SLC16A10: variants seen among roughly 807,000 people sequenced by gnomAD.
The protein encoded by SLC16A10 is solute carrier family 16 member 10, also known as monocarboxylate transporter 10.
In SLC16A10, 27 loss-of-function variants were observed where a neutral mutation model predicts 40.0. The ratio of observed to expected loss-of-function variants is 0.67; its 90% CI spans 0.50 to 0.93. The LOEUF (loss-of-function observed/expected upper bound fraction) is 0.93, where lower values mean the gene tolerates loss of function less well. Ranked by LOEUF, SLC16A10 falls within the 40% of genes least tolerant of loss-of-function variation. The pLI is 0.00. For missense variants in SLC16A10, 529 were observed against 658.2 expected, an observed-to-expected ratio of 0.80 and a Z score of 2.15; for synonymous variants, 213 against 249.8, an observed-to-expected ratio of 0.85 and a Z score of 1.39.
chr6:111,126,670 CTATAAGCCTG>C (rs1771681247), intron 1 of SLC16A10, among the ~76,000 whole-genome samples: 1 of 152,070 alleles, frequency 6.6e-6, no homozygotes, highest in Non-Finnish European at 1.5e-5. Flanking sequence ...TTTTTCCTTA[CTATAAGCCTG>C]TCAAGTCTAG....
intron 1 of SLC16A10, among the ~76,000 whole-genome samples, chr6:111,120,470 C>T (rs1416624832): frequency 3.9e-5 from 6 of 152,168 alleles, no homozygotes; most frequent in African/African-American, 1.4e-4. Context: ...TTAATGTGTG[C>T]ATCCCTCCAT....
intron 1 of SLC16A10, among the ~76,000 whole-genome samples, chr6:111,132,952 CA>C (rs1185126173): frequency 6.6e-6 from 1 of 152,128 alleles, no homozygotes; most frequent in African/African-American, 2.4e-5. Context: ...TTTACAGAAT[CA>C]AAAAAACTCA....
At chr6:111,088,344 C>G (rs958559282) in intron 1 of SLC16A10, among the ~76,000 whole-genome samples, 1 of 152,218 alleles carries the variant, frequency 6.6e-6, no homozygotes, top group Non-Finnish European at 1.5e-5. Context: ...ACTTACTTGC[C>G]GAGATCGTCC....
chr6:111,117,117 G>A (rs1291544150), intron 1 of SLC16A10, among the ~76,000 whole-genome samples: 1 of 152,042 alleles, frequency 6.6e-6, no homozygotes, highest in African/African-American at 2.4e-5. Flanking sequence ...TTGGGAGGCC[G>A]AGGTGGGTGG....
rs141239638 is a variant in SLC16A10 at position 111,225,841 on chromosome 6, C to T, written c.*3606C>T. On this transcript the variant is annotated 3_prime_UTR_variant, in exon 6 of 6. Transcript: ENST00000368851. ...TGTACCTTTTGTCTTACTCTTCTTA[C>T]ATTATTCTTATCCTCATCATTTTTT... 4.6e-5 allele frequency: 7 copies of T among 152,244 alleles called. No homozygotes were observed. Among genetic ancestry groups the T allele is most frequent in the African/African-American group, 1.7e-4 (7 of 41,540 alleles). The allele number at this position is 152,244 out of a possible 1,614,324, so 9.4% of individuals were successfully genotyped here.
chr6:111,203,945 GT>G lies in SLC16A10; in HGVS notation c.943-2644del, dbSNP rs1257116306. Reference sequence around the variant, plus strand: ...GCCATTTGACAGACAGGTGTTCTTAGTTTCATAAAAAAAAAGATGCCTGGTA... The same window carrying G: ...GCCATTTGACAGACAGGTGTTCTTAGTTCATAAAAAAAAAGATGCCTGGTA... On this transcript the variant is annotated intron_variant, in intron 3 of 5. Coordinates refer to ENST00000368851, the MANE Select transcript of SLC16A10 (RefSeq NM_018593.5). 2.0e-5 allele frequency among the ~76,000 whole-genome samples: 3 copies of G among 151,638 alleles called. No individual in the cohort carries two copies. The East Asian group carries it at 5.8e-4, about 29-fold the overall frequency.
At chr6:111,109,454 AT>A (rs149807124) in intron 1 of SLC16A10, among the ~76,000 whole-genome samples, 2,802 of 115,674 alleles carry the variant, frequency 0.024, 33 homozygotes, top group African/African-American at 0.051. Context: ...CCTATGCCAC[AT>A]TTTTTTTTTT....
intron 1 of SLC16A10, among the ~76,000 whole-genome samples, chr6:111,167,846 AT>A (rs202008455): frequency 6.6e-6 from 1 of 150,436 alleles, no homozygotes; most frequent in African/African-American, 2.4e-5. Flanking sequence ...TTTTTAAAGT[AT>A]TTTTTTTTGT....
chr6:111,220,917 A>G (rs979534591), intron 5 of SLC16A10, among the ~76,000 whole-genome samples: 2 of 152,268 alleles, frequency 1.3e-5, no homozygotes, highest in Non-Finnish European at 2.9e-5. Context: ...ACAGCAGAAC[A>G]TAATCATGAG....
chr6:111,114,060 C>T (rs936282850), intron 1 of SLC16A10, among the ~76,000 whole-genome samples: 2 of 152,182 alleles, frequency 1.3e-5, no homozygotes, highest in African/African-American at 4.8e-5. Context: ...ATCAAACAAG[C>T]AGGGAATTTT....
intron 1 of SLC16A10, among the ~76,000 whole-genome samples, chr6:111,110,676 G>C (rs973391190): frequency 1.3e-5 from 2 of 152,146 alleles, no homozygotes; most frequent in African/African-American, 4.8e-5. Context: ...TAGTGATAAG[G>C]AAAAGGTTTG....
At chr6:111,090,667 C>G (rs1308735775) in intron 1 of SLC16A10, among the ~76,000 whole-genome samples, 1 of 152,184 alleles carries the variant, frequency 6.6e-6, no homozygotes, top group African/African-American at 2.4e-5. Flanking sequence ...CATGAAGTCC[C>G]TCATCTACCA....
At chr6:111,204,473 G>A (rs1410065132) in intron 3 of SLC16A10, among the ~76,000 whole-genome samples, 1 of 152,158 alleles carries the variant, frequency 6.6e-6, no homozygotes, top group Admixed American at 6.5e-5. Context: ...CATTAACAGG[G>A]CTGGGTAGGA....
intron 1 of SLC16A10, among the ~76,000 whole-genome samples, chr6:111,098,732 A>G (rs1468483854): frequency 6.6e-6 from 1 of 152,230 alleles, no homozygotes; most frequent in African/African-American, 2.4e-5. Context: ...TCAAAGCAGC[A>G]TCTCAAAGGG....
chr6:111,118,296 G>A lies in SLC16A10; in HGVS notation c.343+30201G>A, dbSNP rs570246654. On this transcript the variant is annotated intron_variant, in intron 1 of 5. Coordinates refer to ENST00000368851, the MANE Select transcript of SLC16A10 (RefSeq NM_018593.5). ...AAAATGAATGCAAATGATAAAAGACGAAGTATAACCCGCTCAATAAATTTT... is the reference window on the plus strand; with the variant it reads ...AAAATGAATGCAAATGATAAAAGACAAAGTATAACCCGCTCAATAAATTTT... Among the ~76,000 whole-genome samples, 3 of 152,224 alleles carry A rather than the reference G, an allele frequency of 2.0e-5. No individual in the cohort carries two copies. In the East Asian group the frequency reaches 5.8e-4, roughly 29 times the overall value.
At chr6:111,212,807 A>T (rs778941769) in intron 4 of SLC16A10, among the ~76,000 whole-genome samples, 6 of 145,160 alleles carry the variant, frequency 4.1e-5, no homozygotes, top group African/African-American at 1.5e-4. Context: ...AAATAAAAAA[A>T]TAAAAAAAAA....
intron 1 of SLC16A10, among the ~76,000 whole-genome samples, chr6:111,135,580 T>G (rs1771863412): frequency 6.6e-6 from 1 of 152,216 alleles, no homozygotes; most frequent in African/African-American, 2.4e-5. Flanking sequence ...TGCCTTTTTC[T>G]GCACTCCTAT....
At chr6:111,186,749 T>C (rs1387278227) in intron 3 of SLC16A10, among the ~76,000 whole-genome samples, 1 of 152,174 alleles carries the variant, frequency 6.6e-6, no homozygotes, top group Non-Finnish European at 1.5e-5. Context: ...CAGCTGCCCA[T>C]GTAGCATCTA....
intron 2 of SLC16A10, among the ~76,000 whole-genome samples, chr6:111,175,633 T>C (rs2114545987): frequency 6.6e-6 from 1 of 152,312 alleles, no homozygotes; most frequent in African/African-American, 2.4e-5. Context: ...TGTTTTGTTC[T>C]GTGTTATTAT....
Sources: allele counts gnomAD v4.1 joint callset (sites outside exome capture counted in the v4.1 genomes callset), GRCh38; gene constraint gnomAD v4.1.1; transcripts MANE v1.5; gene names NCBI Gene and HGNC (gene_info 2026-07-23, HGNC 2026-07-21).